The following CD44 variants were observed in gnomAD, a reference collection of about 807,000 sequenced individuals.
CD44 encodes CD44 antigen.
Under a neutral mutation model 88.8 loss-of-function variants are expected in CD44, and 49 were observed. The observed-to-expected ratio is 0.55, with a 90% CI of 0.44 to 0.70. CD44 has a LOEUF of 0.70. Among genes scored for constraint, CD44 ranks in the 30% least tolerant of loss-of-function variants. The pLI is 0.00. For synonymous variants in CD44, 325 were observed against 312.3 expected, an observed-to-expected ratio of 1.04 and a Z score of -0.43; for missense variants, 883 against 913.8, an observed-to-expected ratio of 0.97 and a Z score of 0.43.
In CD44 at chr11:35,229,167, A is replaced by G. The variant is rs756384853; in HGVS notation, c.2063A>G (p.Asn688Ser). ...QKKKLVINSG[N>S]GAVEDRKPSG... is the part of the protein sequence containing the mutation. ...AAAAAGCTAGTGATCAACAGTGGCA[A>G]TGGAGCTGTGGAGGACAGAAAGCCA... Residue 688 changes from asparagine (N) to serine (S), a missense_variant, in exon 18 of 18, where the codon AAT (asparagine) becomes AGT (serine). Asn to Ser is a conservative substitution (Grantham distance 46). Coordinates refer to ENST00000428726, the MANE Select transcript of CD44 (RefSeq NM_000610.4). 1.2e-6 allele frequency: 2 copies of G among 1,614,086 alleles called. No individual in the cohort carries two copies. The highest frequency in any genetic ancestry group is 2.7e-5 in the African/African-American group (2 of 75,040).
intron 1 of CD44, among the ~76,000 whole-genome samples, chr11:35,157,282 A>G (rs1941992769): frequency 6.6e-6 from 1 of 151,928 alleles, no homozygotes; most frequent in African/African-American, 2.4e-5. Context: ...AACTTCTTAA[A>G]AAACCTTGTC....
chr11:35,210,103 C>A, intron 13 of CD44, 49 bp downstream of exon 13: 1 of 1,039,458 alleles, frequency 9.6e-7, no homozygotes, highest in Non-Finnish European at 1.4e-6. Context: ...AAGAATCAAT[C>A]AATTATGGGT....
intron 3 of CD44, among the ~76,000 whole-genome samples, chr11:35,181,690 A>T (rs1945011694): frequency 7.3e-6 from 1 of 136,276 alleles, no homozygotes; most frequent in Non-Finnish European, 1.5e-5. Flanking sequence ...ATTTATATAT[A>T]TATTTATTTA....
chr11:35,180,064 A>C (rs1272315053), intron 2 of CD44, among the ~76,000 whole-genome samples: 1 of 152,088 alleles, frequency 6.6e-6, no homozygotes, highest in Admixed American at 6.5e-5. Flanking sequence ...TCTCTAAATA[A>C]AATCACTTTG....
At chr11:35,223,087 C>T (rs1949434813) in intron 17 of CD44, 2 of 984,836 alleles carry the variant, frequency 2.0e-6, no homozygotes, top group Non-Finnish European at 2.4e-6. Context: ...AGCTATGTTG[C>T]TATCTATACC....
At chr11:35,223,131 A>G in intron 17 of CD44, 4 of 985,390 alleles carry the variant, frequency 4.1e-6, no homozygotes, top group Non-Finnish European at 4.8e-6. Flanking sequence ...TAGTTATGCT[A>G]CCTGATTGTA....
At position 35,222,523 on chromosome 11, in the gene CD44, T is replaced by C. The variant is rs563304988; in HGVS notation, c.2024+791T>C. 1.6e-5 allele frequency: 17 copies of C among 1,067,126 alleles called. No individual in the cohort carries two copies. In the South Asian group the frequency reaches 4.3e-4, roughly 27 times the overall value. The allele number at this position is 1,067,126 out of a possible 1,614,324, so 66.1% of individuals were successfully genotyped here. ...CTAGAACTGACACATGGGCTGTTTT[T>C]ATATTCTTGAAGGCCACTCTCTCCC... On this transcript the variant is annotated intron_variant, in intron 17 of 17. Coordinates refer to ENST00000428726, the MANE Select transcript of CD44 (RefSeq NM_000610.4).
At chr11:35,205,055 T>C (rs577496752) in intron 10 of CD44, 2 of 159,758 alleles carry the variant, frequency 1.3e-5, no homozygotes, top group South Asian at 3.5e-4. Context: ...AGAACTCCAG[T>C]GTTTGAAGAA....
intron 1 of CD44, among the ~76,000 whole-genome samples, chr11:35,152,379 A>G (rs1288344048): frequency 4.6e-5 from 7 of 152,228 alleles, no homozygotes; most frequent in African/African-American, 1.7e-4. Flanking sequence ...TCAAAAGTCT[A>G]CCAGAAATAG....
At chr11:35,193,980 T>C (rs1331313377) in intron 5 of CD44, among the ~76,000 whole-genome samples, 1 of 152,206 alleles carries the variant, frequency 6.6e-6, no homozygotes, top group African/African-American at 2.4e-5. Flanking sequence ...CATCACAAAC[T>C]ACCTGGGTAC....
intron 5 of CD44, among the ~76,000 whole-genome samples, chr11:35,192,108 T>G (rs1043279846): frequency 1.9e-4 from 29 of 152,162 alleles, no homozygotes; most frequent in African/African-American, 6.8e-4. Context: ...TAGTTCAGGA[T>G]TTGAGCTGAG....
chr11:35,195,147 A>G (rs1946614448), intron 5 of CD44, among the ~76,000 whole-genome samples: 1 of 152,176 alleles, frequency 6.6e-6, no homozygotes, highest in Admixed American at 6.6e-5. Context: ...AGCTTTGGGG[A>G]AAAACGATTC....
intron 1 of CD44, among the ~76,000 whole-genome samples, chr11:35,168,324 A>G (rs1450546076): frequency 2.0e-5 from 3 of 152,178 alleles, no homozygotes; most frequent in African/African-American, 4.8e-5. Flanking sequence ...CCAGTCTGAA[A>G]CCCAGGTCCC....
At chr11:35,226,864 T>A (rs995603479) in intron 17 of CD44, among the ~76,000 whole-genome samples, 2 of 148,820 alleles carry the variant, frequency 1.3e-5, no homozygotes, top group Non-Finnish European at 3.0e-5. Flanking sequence ...GAGCCCCTTT[T>A]CTTCTTTCTT....
chr11:35,149,549 G>A (rs548172772), intron 1 of CD44, among the ~76,000 whole-genome samples: 7 of 152,296 alleles, frequency 4.6e-5, no homozygotes, highest in African/African-American at 1.4e-4. Context: ...TTATATTTTA[G>A]CTTCTCTCTA....
chr11:35,190,366 C>A, intron 5 of CD44: 1 of 425,608 alleles, frequency 2.3e-6, no homozygotes, highest in East Asian at 4.2e-5. Flanking sequence ...TATACAGTAA[C>A]AATTCAAGCC....
At chr11:35,146,156 C>T (rs763796358) in intron 1 of CD44, among the ~76,000 whole-genome samples, 3 of 152,104 alleles carry the variant, frequency 2.0e-5, no homozygotes, top group African/African-American at 4.8e-5. Context: ...AGGTAAGTGT[C>T]CCTGCGAAGT....
chr11:35,155,335 A>T (rs1234137832), intron 1 of CD44, among the ~76,000 whole-genome samples: 1 of 152,188 alleles, frequency 6.6e-6, no homozygotes, highest in Non-Finnish European at 1.5e-5. Context: ...ATTGGTAACA[A>T]TGTGGGCTAC....
chr11:35,183,421 A>C (rs1945348959), intron 3 of CD44, among the ~76,000 whole-genome samples: 1 of 152,156 alleles, frequency 6.6e-6, no homozygotes, highest in Non-Finnish European at 1.5e-5. Flanking sequence ...GATTAGAGTC[A>C]GATGATAGGG....
Sources: gnomAD v4.1 joint callset for allele counts (sites outside exome capture counted in the v4.1 genomes callset) on GRCh38, gnomAD v4.1.1 for gene constraint, MANE v1.5 for transcripts, NCBI Gene and HGNC (gene_info 2026-07-23, HGNC 2026-07-21) for gene names.